Variants in BMP7 observed in about 807,000 individuals in gnomAD.
BMP7 encodes the protein bone morphogenetic protein 7.
A neutral mutation model predicts 41.2 loss-of-function variants in BMP7; 12 were observed. The ratio of observed to expected loss-of-function variants is 0.29; its 90% CI spans 0.19 to 0.47. The LOEUF (loss-of-function observed/expected upper bound fraction) is 0.47, where lower values mean the gene tolerates loss of function less well. BMP7 is among the 20% of genes least tolerant of loss of function. The pLI, the probability that BMP7 is intolerant of heterozygous loss-of-function variation, is 0.99. For missense variants in BMP7, 467 were observed against 606.0 expected (o/e 0.77, Z 2.41); for synonymous variants, 248 against 250.0 (o/e 0.99, Z 0.07).
chr20:57,181,334 G>C (rs1333967369), intron 4 of BMP7, among the ~76,000 whole-genome samples: 1 of 151,896 alleles, frequency 6.6e-6, no homozygotes, highest in African/African-American at 2.4e-5. Context: ...GGGAGGCCCT[G>C]TCTCTACAAA....
intron 2 of BMP7, among the ~76,000 whole-genome samples, chr20:57,203,058 G>A (rs1294154761): frequency 1.3e-5 from 2 of 152,066 alleles, no homozygotes; most frequent in African/African-American, 4.8e-5. Context: ...ACAACCCGAA[G>A]CTGTGGGAAT....
chr20:57,228,205 C>T lies in BMP7; in HGVS notation c.611+24G>A, dbSNP rs763672734. On this transcript the variant is annotated intron_variant, in intron 2 of 6. Transcript: ENST00000395863. The surrounding 1 kb of genome is among the most constrained non-coding windows in gnomAD (Gnocchi z 4.5). ...CCCCCAGAGGAAACTCAGCACCTCT[C>T]CCAGATACCCGTATAGCACCCACCT... The T allele has an allele frequency of 1.2e-6, 2 of 1,611,494 alleles. No homozygotes were observed. The highest frequency in any genetic ancestry group is 1.7e-5 in the Admixed American group (1 of 60,018).
At chr20:57,225,897 G>A (rs1355387722) in intron 2 of BMP7, 3 of 469,622 alleles carry the variant, frequency 6.4e-6, no homozygotes, top group Non-Finnish European at 1.3e-5. Flanking sequence ...CTTCCAGAGG[G>A]CAGGGACTCG....
At position 57,171,522 on chromosome 20, in the gene BMP7, T is replaced by C. The variant is rs1257553539; in HGVS notation, c.1147-414A>G. 2.0e-5 allele frequency among the ~76,000 whole-genome samples: 3 copies of C among 152,146 alleles called. No homozygotes were observed. Among genetic ancestry groups the C allele is most frequent in the African/African-American group, 7.2e-5 (3 of 41,424 alleles). ...TGGGACAGGGACACATAGACTCAAATGCCTATGAGTGCCACGTGAGTGCCA... is the reference window on the plus strand; with the variant it reads ...TGGGACAGGGACACATAGACTCAAACGCCTATGAGTGCCACGTGAGTGCCA... On this transcript the variant is annotated intron_variant, in intron 6 of 6. Transcript: ENST00000395863. The surrounding 1 kb of genome is among the most constrained non-coding windows in gnomAD (Gnocchi z 4.5).
chr20:57,183,244 A>G (rs1281326522), intron 4 of BMP7, among the ~76,000 whole-genome samples: 8 of 152,212 alleles, frequency 5.3e-5, no homozygotes, highest in African/African-American at 1.9e-4. Context: ...CAAAAAAAAA[A>G]AAATGTGTGT....
Position 57,169,611 on chromosome 20 carries a change from G to A in BMP7, c.*1348C>T, listed in dbSNP as rs1008910788. 2 of 152,218 alleles carry A rather than the reference G, an allele frequency of 1.3e-5. No homozygotes were observed. Among genetic ancestry groups the A allele is most frequent in the Non-Finnish European group, 2.9e-5 (2 of 68,056 alleles). 9.4% of individuals were successfully genotyped at this position (152,218 alleles called of 1,614,324 possible). A position where few individuals can be genotyped will look rare whatever the true frequency, so the allele number is the denominator to read the frequency against. On this transcript the variant is annotated 3_prime_UTR_variant, in exon 7 of 7. Transcript: ENST00000395863. ...TTGTTTGCAGAGACTTCTGATCAGG[G>A]TCTGCAAATGAAGAGACAGCCACGG...
At chr20:57,199,141 C>T (rs1984566385) in intron 3 of BMP7, among the ~76,000 whole-genome samples, 2 of 152,192 alleles carry the variant, frequency 1.3e-5, no homozygotes, top group African/African-American at 4.8e-5. Context: ...CTGCAGCCAG[C>T]TCGGGGCCAG....
chr20:57,225,591 G>A (rs2066002689), intron 2 of BMP7, among the ~76,000 whole-genome samples: 1 of 152,202 alleles, frequency 6.6e-6, no homozygotes, highest in Admixed American at 6.5e-5. Flanking sequence ...CACATGGGTA[G>A]CTGGTGGCAG....
intron 2 of BMP7, among the ~76,000 whole-genome samples, chr20:57,220,942 G>A (rs1407409627): frequency 1.3e-5 from 2 of 152,202 alleles, no homozygotes; most frequent in Admixed American, 6.5e-5. Context: ...GGCATCTGTT[G>A]TACATGCGCT....
At chr20:57,246,427 C>T (rs931353568) in intron 1 of BMP7, among the ~76,000 whole-genome samples, 1 of 152,206 alleles carries the variant, frequency 6.6e-6, no homozygotes, top group Admixed American at 6.5e-5. Flanking sequence ...ATGTGTCTTC[C>T]TCCTGCCCTC....
intron 3 of BMP7, 74 bp from the exon 4 acceptor site, chr20:57,183,993 G>A (rs1984152323): frequency 6.6e-7 from 1 of 1,515,670 alleles, no homozygotes. Context: ...CTGCAGAGAT[G>A]CTATGCCTCC....
intron 1 of BMP7, among the ~76,000 whole-genome samples, chr20:57,263,685 C>G (rs1241360649): frequency 6.6e-6 from 1 of 152,190 alleles, no homozygotes; most frequent in Non-Finnish European, 1.5e-5. Context: ...AATCCCCCAC[C>G]AGAGAAAGGG....
chr20:57,188,663 C>T (rs1984278629), intron 3 of BMP7, among the ~76,000 whole-genome samples: 1 of 151,926 alleles, frequency 6.6e-6, no homozygotes, highest in African/African-American at 2.4e-5. Context: ...GTGGGAATGA[C>T]CCACTCACTG....
chr20:57,229,870 G>T (rs1264228526), intron 1 of BMP7, among the ~76,000 whole-genome samples: 1 of 152,194 alleles, frequency 6.6e-6, no homozygotes, highest in Non-Finnish European at 1.5e-5. Context: ...CCCTGGCTGC[G>T]CAGCTCCATT....
chr20:57,187,807 T>C (rs1984252960), intron 3 of BMP7, among the ~76,000 whole-genome samples: 1 of 152,202 alleles, frequency 6.6e-6, no homozygotes, highest in African/African-American at 2.4e-5. Context: ...TGAACTGGTA[T>C]TTTGGGTTGT....
rs1439860491 is a variant in BMP7, at chr20:57,170,085, G to A, written c.*874C>T. 1 of 152,236 alleles carries A rather than the reference G, an allele frequency of 6.6e-6. No homozygotes were observed. Among genetic ancestry groups the A allele is most frequent in the Non-Finnish European group, 1.5e-5 (1 of 68,156 alleles). 9.4% of individuals were successfully genotyped at this position (152,236 alleles called of 1,614,324 possible). On this transcript the variant is annotated 3_prime_UTR_variant, in exon 7 of 7. Coordinates refer to ENST00000395863, the MANE Select transcript of BMP7 (RefSeq NM_001719.3). ...TGGTGCTTCTTAACAACAGGGTTGA[G>A]TTGCAAGTTCCATCCTACTTGCTGT...
intron 2 of BMP7, among the ~76,000 whole-genome samples, chr20:57,205,761 A>G (rs1262414763): frequency 6.6e-6 from 1 of 152,172 alleles, no homozygotes; most frequent in East Asian, 1.9e-4. Flanking sequence ...AACGATACTG[A>G]GCATTCTCTT....
intron 1 of BMP7, among the ~76,000 whole-genome samples, chr20:57,236,088 T>G (rs1376827918): frequency 6.6e-6 from 1 of 152,206 alleles, no homozygotes; most frequent in Non-Finnish European, 1.5e-5. Context: ...TTCTTAATTC[T>G]GGCACCCAGG....
Position 57,175,047 on chromosome 20 carries a change from GAGAA to G in BMP7, c.959-44_959-41del, listed in dbSNP as rs1035957339. On this transcript the variant is annotated intron_variant, in intron 4 of 6. Transcript: ENST00000395863. ...AAGTGAAGAAGCAGAGCCCAGTGAG[GAGAA>G]AGAAACACACACACATCAAAGTTCC... 4 of 1,582,826 alleles carry G rather than the reference GAGAA, an allele frequency of 2.5e-6. No homozygotes were observed. The African/African-American group carries it at 4.0e-5, about 16-fold the overall frequency.
Sources: gnomAD v4.1 joint callset for allele counts (sites outside exome capture counted in the v4.1 genomes callset) on GRCh38, gnomAD v4.1.1 for gene constraint, Gnocchi (gnomAD v3.1) non-coding constraint, MANE v1.5 for transcripts, NCBI Gene and HGNC (gene_info 2026-07-23, HGNC 2026-07-21) for gene names.